AKAP13: variants seen among roughly 807,000 people sequenced by gnomAD.
AKAP13 encodes A-kinase anchor protein 13.
AKAP13 carries 80 observed loss-of-function variants against 264.5 expected under a neutral mutation model. The observed-to-expected ratio is 0.30, with a 90% CI of 0.25 to 0.36. The LOEUF is 0.36. Ranked by LOEUF, AKAP13 falls within the 10% of genes least tolerant of loss-of-function variation. AKAP13 has a pLI of 1.00. For missense variants in AKAP13, 3,712 were observed against 3,435.2 expected, an observed-to-expected ratio of 1.08 and a Z score of -2.01; for synonymous variants, 1,380 against 1,250.2, an observed-to-expected ratio of 1.10 and a Z score of -2.19.
intron 1 of AKAP13, among the ~76,000 whole-genome samples, chr15:85,421,704 C>T (rs2072533397): frequency 1.3e-5 from 2 of 151,998 alleles, no homozygotes; most frequent in African/African-American, 4.8e-5. Context: ...GCCCTTCCTC[C>T]TCTGTTAATG....
intron 8 of AKAP13, among the ~76,000 whole-genome samples, chr15:85,639,138 A>G (rs1478096306): frequency 6.6e-6 from 1 of 152,134 alleles, no homozygotes; most frequent in Non-Finnish European, 1.5e-5. Flanking sequence ...ATCTTCGTGT[A>G]TCTTTTCTTA....
At chr15:85,543,745 T>TAA (rs141683612) in intron 4 of AKAP13, 27 bp from the exon 5 acceptor site, 8 of 1,575,322 alleles carry the variant, frequency 5.1e-6, no homozygotes, top group Non-Finnish European at 6.9e-6. Flanking sequence ...TTTCCTCACT[T>TAA]ACGTTCATTT....
chr15:85,432,208 T>C (rs529585041), intron 1 of AKAP13, among the ~76,000 whole-genome samples: 43 of 152,314 alleles, frequency 2.8e-4, no homozygotes, highest in Middle Eastern at 3.4e-3. Flanking sequence ...CCTAACTCTA[T>C]AGTTTATTTT....
At chr15:85,381,483 A>G (rs1424018875) in intron 1 of AKAP13, among the ~76,000 whole-genome samples, 6 of 133,192 alleles carry the variant, frequency 4.5e-5, no homozygotes, top group Non-Finnish European at 8.5e-5. Context: ...ATACCAAACA[A>G]AACTTTTTTT....
intron 8 of AKAP13, among the ~76,000 whole-genome samples, chr15:85,630,476 A>G (rs2151445005): frequency 6.6e-6 from 1 of 152,344 alleles, no homozygotes; most frequent in Non-Finnish European, 1.5e-5. Context: ...ATGCTATGGT[A>G]GGCTTATTGA....
At chr15:85,627,671 C>A (rs951571437) in intron 8 of AKAP13, 3 of 152,134 alleles carry the variant, frequency 2.0e-5, no homozygotes, top group African/African-American at 7.2e-5. Flanking sequence ...TTTCTGGATA[C>A]TGTTGGGCTT....
intron 4 of AKAP13, chr15:85,536,984 A>T (rs1239790698): frequency 6.6e-6 from 1 of 152,268 alleles, no homozygotes; most frequent in Non-Finnish European, 1.5e-5. Context: ...TATTTAAAAT[A>T]ATAAAATAAC....
intron 16 of AKAP13, among the ~76,000 whole-genome samples, chr15:85,686,325 C>T (rs1393420861): frequency 6.6e-6 from 1 of 152,198 alleles, no homozygotes; most frequent in Non-Finnish European, 1.5e-5. Flanking sequence ...CCTCCTCCCT[C>T]ACAAAACAAG....
intron 35 of AKAP13, among the ~76,000 whole-genome samples, chr15:85,741,978 G>C (rs1307830345): frequency 6.6e-6 from 1 of 152,082 alleles, no homozygotes; most frequent in African/African-American, 2.4e-5. Flanking sequence ...CGGGGAGGTG[G>C]GGATTGCAGC....
At chr15:85,435,840 T>C (rs1424762439) in intron 1 of AKAP13, among the ~76,000 whole-genome samples, 5 of 150,022 alleles carry the variant, frequency 3.3e-5, no homozygotes, top group South Asian at 4.3e-4. Flanking sequence ...AAGGAACAAC[T>C]GGTACCAGCC....
At position 85,717,862 on chromosome 15, in the gene AKAP13, T is replaced by C. The variant is rs909835931; in HGVS notation, c.5849-145T>C. ...ACTCCTGAACAGGATATTGATTTTT[T>C]TCTGGTACTAGAATATGATCTCTGT... On this transcript the variant is annotated intron_variant, in intron 21 of 36. Transcript: ENST00000394518. 1.5e-5 allele frequency: 11 copies of C among 755,826 alleles called. No individual in the cohort carries two copies. The East Asian group carries it at 3.0e-4, about 20-fold the overall frequency. 46.8% of individuals were successfully genotyped at this position (755,826 alleles called of 1,614,324 possible).
intron 5 of AKAP13, 117 bp downstream of exon 5, chr15:85,544,072 T>G (rs754735846): frequency 1.6e-6 from 2 of 1,250,482 alleles, no homozygotes; most frequent in South Asian, 1.3e-5. Flanking sequence ...AAACCTCAGC[T>G]CTGTATCTTG....
At chr15:85,518,891 G>A (rs930395260) in intron 2 of AKAP13, among the ~76,000 whole-genome samples, 1 of 152,112 alleles carries the variant, frequency 6.6e-6, no homozygotes, top group East Asian at 1.9e-4. Context: ...GTAAAAAGAG[G>A]TTCATATTGA....
At chr15:85,473,454 A>G (rs1194431864) in intron 1 of AKAP13, among the ~76,000 whole-genome samples, 1 of 152,230 alleles carries the variant, frequency 6.6e-6, no homozygotes, top group Non-Finnish European at 1.5e-5. Context: ...AAAAGTCCAA[A>G]TAAACCCTCC....
intron 1 of AKAP13, among the ~76,000 whole-genome samples, chr15:85,474,271 C>T (rs991409457): frequency 6.6e-6 from 1 of 152,186 alleles, no homozygotes; most frequent in Non-Finnish European, 1.5e-5. Context: ...TTCCTGATTC[C>T]TTTCTTTCCC....
At chr15:85,421,908 G>A (rs528438123) in intron 1 of AKAP13, among the ~76,000 whole-genome samples, 3 of 152,132 alleles carry the variant, frequency 2.0e-5, no homozygotes, top group Non-Finnish European at 4.4e-5. Flanking sequence ...GTCACCATTC[G>A]TGCTCCATAA....
intron 14 of AKAP13, among the ~76,000 whole-genome samples, chr15:85,680,767 G>C (rs2084549183): frequency 6.6e-6 from 1 of 152,134 alleles, no homozygotes; most frequent in African/African-American, 2.4e-5. Context: ...TCAGAATCTG[G>C]AACAGTTTGA....
chr15:85,727,410 G>C lies in AKAP13; in HGVS notation c.7034G>C (p.Ser2345Thr). ...AGAGATGAAGATGAAGGAATTCCTA[G>C]TGAGAATGAGGAAGAAAAGAAAATG... ...LNRDEDEGIP[S>T]ENEEEKKMLD... The change falls in exon 29 of 37, where the codon AGT (serine) becomes ACT (threonine). Residue 2345 changes from serine (S) to threonine (T), a missense_variant. Transcript: ENST00000394518. This position sits in a 1 kb window ranked among gnomAD's most constrained non-coding sequence, Gnocchi z 5.3. 6.2e-7 allele frequency: 1 copy of C among 1,614,212 alleles called. No homozygotes were observed. Among genetic ancestry groups the C allele is most frequent in the Non-Finnish European group, 8.5e-7 (1 of 1,180,034 alleles).
intron 1 of AKAP13, among the ~76,000 whole-genome samples, chr15:85,479,539 C>A (rs1482107868): frequency 1.3e-5 from 2 of 152,176 alleles, no homozygotes; most frequent in African/African-American, 4.8e-5. Context: ...CTGCTGTCTG[C>A]CTGTTGGGAC....
Sources: gnomAD v4.1 joint callset for allele counts (sites outside exome capture counted in the v4.1 genomes callset) on GRCh38, gnomAD v4.1.1 for gene constraint, Gnocchi (gnomAD v3.1) non-coding constraint, MANE v1.5 for transcripts, NCBI Gene and HGNC (gene_info 2026-07-23, HGNC 2026-07-21) for gene names.